The following MLXIP variants were observed in gnomAD, a reference collection of about 807,000 sequenced individuals.
The protein encoded by MLXIP is MLX-interacting protein.
MLXIP carries 30 observed loss-of-function variants against 87.2 expected under a neutral mutation model. The ratio of observed to expected loss-of-function variants is 0.34; its 90% CI spans 0.26 to 0.47. MLXIP has a LOEUF of 0.47. Among genes scored for constraint, MLXIP ranks in the 20% least tolerant of loss-of-function variants. The pLI, the probability that MLXIP is intolerant of heterozygous loss-of-function variation, is 1.00. For synonymous variants in MLXIP, 530 were observed against 514.0 expected (o/e 1.03, Z -0.42); for missense variants, 1,002 against 1,240.1 (o/e 0.81, Z 2.88).
chr12:122,102,909 G>A (rs190061015), intron 1 of MLXIP, among the ~76,000 whole-genome samples: 373 of 152,344 alleles, frequency 2.4e-3, no homozygotes, highest in Admixed American at 9.9e-3. Flanking sequence ...GTTTAGGGTC[G>A]AAGTGGAATA....
At position 122,137,359 on chromosome 12, in the gene MLXIP, A is replaced by G. The variant is rs1953111295; in HGVS notation, c.2033-110A>G. On this transcript the variant is annotated intron_variant, in intron 11 of 16. Transcript: ENST00000319080. This position sits in a 1 kb window ranked among gnomAD's most constrained non-coding sequence, Gnocchi z 4.1. The stretch of plus-strand genomic sequence containing the variant: ...GTGTGCAGTTGAAAGAACCAAGTGC[A>G]ATACGTGGCTAGCAGCGAGCACCTC... 4 of 1,207,228 alleles carry G rather than the reference A, an allele frequency of 3.3e-6. No homozygotes were observed. The highest frequency in any genetic ancestry group is 4.5e-6 in the Non-Finnish European group (4 of 883,960). 74.8% of individuals were successfully genotyped at this position (1,207,228 alleles called of 1,614,324 possible).
At chr12:122,109,511 A>G (rs1952571019) in intron 1 of MLXIP, among the ~76,000 whole-genome samples, 1 of 152,242 alleles carries the variant, frequency 6.6e-6, no homozygotes, top group Non-Finnish European at 1.5e-5. Flanking sequence ...CAGACAGGAA[A>G]GAAATGTAGA....
At chr12:122,119,689 C>T (rs745905023) in intron 1 of MLXIP, among the ~76,000 whole-genome samples, 2 of 152,158 alleles carry the variant, frequency 1.3e-5, no homozygotes, top group South Asian at 2.1e-4. Flanking sequence ...CCGCGCCTGG[C>T]GATATGCCAG....
intron 1 of MLXIP, among the ~76,000 whole-genome samples, chr12:122,099,269 AC>A (rs1952400659): frequency 6.6e-5 from 10 of 151,928 alleles, no homozygotes; most frequent in Admixed American, 6.6e-4. Flanking sequence ...CCAAAACAAA[AC>A]CCCAAAACAA....
intron 1 of MLXIP, among the ~76,000 whole-genome samples, chr12:122,116,256 A>T (rs28529535): frequency 0.51 from 76,793 of 151,818 alleles, 19,938 homozygotes; most frequent in Middle Eastern, 0.64. Context: ...TGACTTCCTG[A>T]GAGTCTATAA....
At chr12:122,093,765 T>G (rs1481051914) in intron 1 of MLXIP, among the ~76,000 whole-genome samples, 1,851 of 135,384 alleles carry the variant, frequency 0.014, 68 homozygotes, top group African/African-American at 0.051. Context: ...GTGTAGTGTG[T>G]GTGTGGTGTG....
chr12:122,092,881 C>A (rs999620178), intron 1 of MLXIP, among the ~76,000 whole-genome samples: 1 of 128,402 alleles, frequency 7.8e-6, no homozygotes, highest in Non-Finnish European at 1.7e-5. Context: ...TACCTATCTT[C>A]GGCTTTGCTT....
At position 122,142,367 on chromosome 12, in the gene MLXIP, T is replaced by C. The variant is rs1378997090; in HGVS notation, c.*555T>C. 1 of 554,586 alleles carries C rather than the reference T, an allele frequency of 1.8e-6. No individual in the cohort carries two copies. Among genetic ancestry groups the C allele is most frequent in the Non-Finnish European group, 3.4e-6 (1 of 290,820 alleles). The allele number at this position is 554,586 out of a possible 1,614,324, so 34.4% of individuals were successfully genotyped here. A position where few individuals can be genotyped will look rare whatever the true frequency, so the allele number is the denominator to read the frequency against. ...GGACTTGGGCTTCTATTCAGGCTTA[T>C]GCATGGCAGGCTGCCAGGGGGAAGT... On this transcript the variant is annotated 3_prime_UTR_variant, in exon 17 of 17. Coordinates refer to ENST00000319080, the MANE Select transcript of MLXIP (RefSeq NM_014938.6).
rs1422221077 is a variant in MLXIP, at chr12:122,141,196, G to T, written c.2638+113G>T. The T allele has an allele frequency of 8.4e-6, 12 of 1,425,478 alleles. No homozygotes were observed. The Admixed American group carries it at 9.4e-5, about 11-fold the overall frequency. The allele number at this position is 1,425,478 out of a possible 1,614,324, so 88.3% of individuals were successfully genotyped here. A position where few individuals can be genotyped will look rare whatever the true frequency, so the allele number is the denominator to read the frequency against. ...CACTGCAGGCAGCCAGGTGGGGCCG[G>T]GGCAGGGGCACAGTGCTGTCCAGGA... On this transcript the variant is annotated intron_variant, in intron 16 of 16. Coordinates refer to ENST00000319080, the MANE Select transcript of MLXIP (RefSeq NM_014938.6).
chr12:122,126,877 T>C (rs1952889488), intron 1 of MLXIP, among the ~76,000 whole-genome samples: 1 of 152,138 alleles, frequency 6.6e-6, no homozygotes, highest in Non-Finnish European at 1.5e-5. Context: ...ACAGCCCAAA[T>C]GTAACCTTTG....
At chr12:122,115,162 A>C (rs1423602347) in intron 1 of MLXIP, among the ~76,000 whole-genome samples, 1 of 152,068 alleles carries the variant, frequency 6.6e-6, no homozygotes, top group Non-Finnish European at 1.5e-5. Flanking sequence ...TTTTTGTTTG[A>C]ATTTTCTTTT....
At chr12:122,141,661 T>C (rs773063295) in intron 16 of MLXIP, 30 bp from the exon 17 acceptor site, 5 of 1,610,564 alleles carry the variant, frequency 3.1e-6, no homozygotes, top group Non-Finnish European at 4.2e-6. Context: ...TCTGTGTCAC[T>C]GCCTGTGTCT....
chr12:122,102,221 A>G (rs1389223753), intron 1 of MLXIP, among the ~76,000 whole-genome samples: 1 of 152,232 alleles, frequency 6.6e-6, no homozygotes, highest in African/African-American at 2.4e-5. Flanking sequence ...TTTAGAATAT[A>G]TAAAGAATTC....
rs927491262 is a variant in MLXIP at position 122,078,793 on chromosome 12, G to C, written c.-61G>C. 4 of 1,025,730 alleles carry C rather than the reference G, an allele frequency of 3.9e-6. No individual in the cohort carries two copies. The highest frequency in any genetic ancestry group is 3.5e-5 in the African/African-American group (2 of 56,848). The allele number at this position is 1,025,730 out of a possible 1,614,324, so 63.5% of individuals were successfully genotyped here. On this transcript the variant is annotated 5_prime_UTR_variant, in exon 1 of 17. Transcript: ENST00000319080. ...GGCCGGGCCGGGCCGGCGCCCCTCT[G>C]CCTCGCGCGCTTGTCGCGTTGCCCC...
chr12:122,133,973 C>G lies in MLXIP; in HGVS notation c.1718C>G (p.Ala573Gly). 2.5e-6 allele frequency: 4 copies of G among 1,598,542 alleles called. No homozygotes were observed. The highest frequency in any genetic ancestry group is 3.4e-6 in the Non-Finnish European group (4 of 1,171,722). ...PEPVSLVLKN[A>G]RIAPAAFSGQ... is the part of the protein sequence containing the mutation. Reference sequence around the variant, plus strand: ...CCCGTGTCCTTGGTGTTGAAGAATGCCCGTATCGCCCCAGGTGAGCCAGGC... The same window carrying G: ...CCCGTGTCCTTGGTGTTGAAGAATGGCCGTATCGCCCCAGGTGAGCCAGGC... Residue 573 changes from alanine to glycine, a missense_variant, in exon 9 of 17, where the codon GCC becomes GGC. Ala to Gly is a moderately conservative substitution (Grantham distance 60). Transcript: ENST00000319080. This position sits in a 1 kb window ranked among gnomAD's most constrained non-coding sequence, Gnocchi z 4.9.
intron 1 of MLXIP, among the ~76,000 whole-genome samples, chr12:122,121,010 GTTTTTTT>G (rs1233404015): frequency 8.9e-6 from 1 of 111,910 alleles, no homozygotes; most frequent in Non-Finnish European, 1.7e-5. Context: ...TGCATGCTTG[GTTTTTTT>G]TTTTTTTTTT....
Position 122,084,013 on chromosome 12 carries a change from G to GA in MLXIP, c.413+4753dup, listed in dbSNP as rs551236253. On this transcript the variant is annotated intron_variant, in intron 1 of 16. Transcript: ENST00000319080. ...AGGTGGGAGCCGGGGCTGCAGAGAT[G>GA]AAAAAACACAGTCTCTCTCCTCAAG... Among the ~76,000 whole-genome samples the GA allele has an allele frequency of 3.9e-5, 6 of 152,296 alleles. No homozygotes were observed. In the South Asian group the frequency reaches 1.2e-3, roughly 32 times the overall value.
intron 1 of MLXIP, among the ~76,000 whole-genome samples, chr12:122,114,362 A>G (rs574866818): frequency 6.2e-4 from 94 of 152,334 alleles, no homozygotes; most frequent in Non-Finnish European, 1.1e-3. Flanking sequence ...ATTCACTAGA[A>G]AAACAGAACG....
intron 5 of MLXIP, 23 bp from the exon 6 acceptor site, chr12:122,129,917 TC>T: frequency 6.3e-7 from 1 of 1,592,746 alleles, no homozygotes; most frequent in Non-Finnish European, 8.6e-7. Context: ...TGATGCTTCC[TC>T]CCCTGTGTTG....
Sources: gnomAD v4.1 joint callset for allele counts (sites outside exome capture counted in the v4.1 genomes callset) on GRCh38, gnomAD v4.1.1 for gene constraint, Gnocchi (gnomAD v3.1) non-coding constraint, MANE v1.5 for transcripts, NCBI Gene and HGNC (gene_info 2026-07-23, HGNC 2026-07-21) for gene names.